Variants in BBX observed in about 807,000 individuals in gnomAD.
BBX encodes HMG box transcription factor BBX.
In BBX, 30 loss-of-function variants were observed where a neutral mutation model predicts 100.2. The observed-to-expected ratio is 0.30, with a 90% CI of 0.22 to 0.41. BBX has a LOEUF of 0.41. Ranked by LOEUF, BBX falls within the 10% of genes least tolerant of loss-of-function variation. BBX has a pLI of 1.00. For missense variants in BBX, 1,023 were observed against 1,129.8 expected (o/e 0.91, Z 1.35); for synonymous variants, 376 against 388.1 (o/e 0.97, Z 0.37).
rs762178041 is a variant in BBX at position 107,737,302 on chromosome 3, CACAGAG to C, written c.669+4281_669+4286del. On this transcript the variant is annotated intron_variant, in intron 7 of 17. Coordinates refer to ENST00000325805, the MANE Select transcript of BBX (RefSeq NM_001142568.3). ...TTTACCAGCAACATGCATACATACA[CACAGAG>C]AGAGAGAGAGAGAGAGAGAGAGAGT... Among the ~76,000 whole-genome samples the C allele has an allele frequency of 1.2e-4, 5 of 40,260 alleles. No homozygotes were observed. The South Asian group carries it at 5.1e-3, about 41-fold the overall frequency. The allele number at this position is 40,260 out of a possible 152,430, so 26.4% of individuals were successfully genotyped here.
intron 2 of BBX, among the ~76,000 whole-genome samples, chr3:107,603,595 G>T (rs891523782): frequency 6.6e-6 from 1 of 151,796 alleles, no homozygotes; most frequent in Non-Finnish European, 1.5e-5. Context: ...GACCAGGATG[G>T]TCTCGATCTC....
At chr3:107,781,029 T>G (rs1207083243) in intron 13 of BBX, among the ~76,000 whole-genome samples, 2 of 152,102 alleles carry the variant, frequency 1.3e-5, no homozygotes, top group Non-Finnish European at 2.9e-5. Flanking sequence ...CATTATATTT[T>G]CCTTCATGAC....
At chr3:107,707,250 A>ACAT (rs1406976275) in intron 3 of BBX, among the ~76,000 whole-genome samples, 2 of 152,212 alleles carry the variant, frequency 1.3e-5, no homozygotes, top group African/African-American at 2.4e-5. Flanking sequence ...TGGTTCTCAG[A>ACAT]CATCACATGC....
intron 2 of BBX, among the ~76,000 whole-genome samples, chr3:107,621,153 G>A (rs1559883764): frequency 6.6e-6 from 1 of 152,088 alleles, no homozygotes; most frequent in East Asian, 1.9e-4. Flanking sequence ...AAAGTTTTCT[G>A]TCTTGCTATA....
intron 2 of BBX, among the ~76,000 whole-genome samples, chr3:107,527,815 G>GT (rs2047886806): frequency 6.6e-6 from 1 of 152,092 alleles, no homozygotes; most frequent in African/African-American, 2.4e-5. Context: ...TTGTCTTTGA[G>GT]TTTTTTTAAA....
rs544281456 is a variant in BBX at position 107,601,837 on chromosome 3, G to C, written c.-83-43999G>C. 2.0e-4 allele frequency among the ~76,000 whole-genome samples: 31 copies of C among 152,330 alleles called. 1 individual carries two copies. The East Asian group carries it at 2.3e-3, about 11-fold the overall frequency. On this transcript the variant is annotated intron_variant, in intron 2 of 17. Coordinates refer to ENST00000325805, the MANE Select transcript of BBX (RefSeq NM_001142568.3). Reference sequence around the variant, plus strand: ...AATGTGGACAAAATAGCCTTCAGTTGGAGGAAGGTGCTATCTAGGATTTTC... The same window carrying C: ...AATGTGGACAAAATAGCCTTCAGTTCGAGGAAGGTGCTATCTAGGATTTTC...
chr3:107,661,765 C>T (rs2058457041), intron 3 of BBX: 2 of 542,364 alleles, frequency 3.7e-6, no homozygotes, highest in South Asian at 1.6e-4. Flanking sequence ...CTGTTTATTT[C>T]CATGTTTCCT....
intron 3 of BBX, among the ~76,000 whole-genome samples, chr3:107,653,968 G>A (rs1404068059): frequency 1.3e-5 from 2 of 152,128 alleles, no homozygotes; most frequent in African/African-American, 4.8e-5. Context: ...TGTCCATGCA[G>A]GTAGCACCTG....
chr3:107,523,845 A>G (rs2047543350), intron 1 of BBX, among the ~76,000 whole-genome samples: 1 of 152,218 alleles, frequency 6.6e-6, no homozygotes, highest in South Asian at 2.1e-4. Context: ...CCCGCAGATC[A>G]GTGCCCTCTC....
intron 3 of BBX, among the ~76,000 whole-genome samples, chr3:107,696,469 C>A (rs1397297239): frequency 6.6e-6 from 1 of 150,756 alleles, no homozygotes; most frequent in Non-Finnish European, 1.5e-5. Flanking sequence ...CTTAGTTTGG[C>A]TGGATATGAA....
intron 10 of BBX, among the ~76,000 whole-genome samples, chr3:107,764,358 T>C (rs13074399): frequency 0.081 from 12,410 of 152,306 alleles, 721 homozygotes; most frequent in Non-Finnish European, 0.12. Context: ...TTTAGACTCA[T>C]AGACTACCTC....
At chr3:107,783,142 A>G (rs1449804530) in intron 13 of BBX, among the ~76,000 whole-genome samples, 2 of 152,120 alleles carry the variant, frequency 1.3e-5, no homozygotes, top group African/African-American at 2.4e-5. Flanking sequence ...CATATACACT[A>G]TGCTGATTGG....
intron 7 of BBX, among the ~76,000 whole-genome samples, chr3:107,743,654 C>A (rs1047088585): frequency 6.6e-6 from 1 of 152,168 alleles, no homozygotes; most frequent in African/African-American, 2.4e-5. Flanking sequence ...TTTTTAGGAG[C>A]ATAATCTGGG....
chr3:107,688,735 T>G (rs934901366), intron 3 of BBX, among the ~76,000 whole-genome samples: 1 of 152,236 alleles, frequency 6.6e-6, no homozygotes, highest in African/African-American at 2.4e-5. Context: ...ACTCATATTT[T>G]ATAATCACTG....
chr3:107,642,955 A>G (rs990990238), intron 2 of BBX, among the ~76,000 whole-genome samples: 1 of 152,204 alleles, frequency 6.6e-6, no homozygotes, highest in Non-Finnish European at 1.5e-5. Flanking sequence ...TCAGAAAAGC[A>G]GTCATTCATG....
intron 13 of BBX, among the ~76,000 whole-genome samples, chr3:107,782,885 G>A (rs1191302185): frequency 6.6e-6 from 1 of 151,994 alleles, no homozygotes; most frequent in Non-Finnish European, 1.5e-5. Flanking sequence ...AAGAAATTTG[G>A]TAGGGAAAGA....
At chr3:107,731,567 C>CT (rs2063317610) in intron 6 of BBX, among the ~76,000 whole-genome samples, 1 of 152,122 alleles carries the variant, frequency 6.6e-6, no homozygotes, top group African/African-American at 2.4e-5. Context: ...TGTGTATTCT[C>CT]TGTGTATGTC....
chr3:107,650,458 A>C (rs978024660), intron 3 of BBX, among the ~76,000 whole-genome samples: 2 of 152,158 alleles, frequency 1.3e-5, no homozygotes, highest in East Asian at 1.9e-4. Flanking sequence ...TAAAAAAAAA[A>C]CATGGGGACC....
At chr3:107,562,135 T>C (rs1392701909) in intron 2 of BBX, among the ~76,000 whole-genome samples, 1 of 150,704 alleles carries the variant, frequency 6.6e-6, no homozygotes, top group Non-Finnish European at 1.5e-5. Context: ...TGCACAAACA[T>C]GTAGATCTGG....
Sources: allele counts gnomAD v4.1 joint callset (sites outside exome capture counted in the v4.1 genomes callset), GRCh38; gene constraint gnomAD v4.1.1; transcripts MANE v1.5; gene names NCBI Gene and HGNC (gene_info 2026-07-23, HGNC 2026-07-21).